The following CEP135 variants were observed in gnomAD, a reference collection of about 807,000 sequenced individuals.
The protein encoded by CEP135 is centrosomal protein of 135 kDa.
In CEP135, 142 loss-of-function variants were observed where a neutral mutation model predicts 157.3. The observed-to-expected ratio is 0.90, with a 90% CI of 0.79 to 1.04. The LOEUF (loss-of-function observed/expected upper bound fraction) is 1.04. Ranked by LOEUF, CEP135 falls within the 50% of genes least tolerant of loss-of-function variation. The pLI is 0.00. For synonymous variants in CEP135, 396 were observed against 439.8 expected (o/e 0.90, Z 1.25); for missense variants, 1,317 against 1,309.2 (o/e 1.01, Z -0.09).
chr4:55,961,820 G>A (rs1476064386), intron 6 of CEP135, among the ~76,000 whole-genome samples: 5 of 134,706 alleles, frequency 3.7e-5, no homozygotes, highest in African/African-American at 1.4e-4. Context: ...ATGTCACCTT[G>A]TCTCAACTTT....
chr4:56,001,658 A>G (rs540555193), intron 17 of CEP135, among the ~76,000 whole-genome samples: 5 of 152,076 alleles, frequency 3.3e-5, no homozygotes, highest in African/African-American at 9.6e-5. Context: ...GGATAGCTGT[A>G]TGGTATATTT....
intron 19 of CEP135, 82 bp from the exon 20 acceptor site, chr4:56,011,330 T>G: frequency 1.1e-6 from 1 of 943,598 alleles, no homozygotes; most frequent in South Asian, 1.6e-5. Flanking sequence ...ATTCTCCAAT[T>G]CCAAAGGAAT....
At chr4:55,993,260 T>C (rs986469208) in intron 15 of CEP135, among the ~76,000 whole-genome samples, 5 of 151,966 alleles carry the variant, frequency 3.3e-5, no homozygotes, top group Non-Finnish European at 7.4e-5. Context: ...TACAAAAAAC[T>C]AGGAATCACA....
Position 55,959,116 on chromosome 4 carries a change from G to A in CEP135, c.615-566G>A, listed in dbSNP as rs569707250. The stretch of plus-strand genomic sequence containing the variant: ...GAAAAAAAAGCAGACCTGGCTTCAG[G>A]CTTTGTCTTTCCAATATGAAAATGG... On this transcript the variant is annotated intron_variant, in intron 5 of 25. Transcript: ENST00000257287. 2.2e-3 allele frequency among the ~76,000 whole-genome samples: 328 copies of A among 152,208 alleles called. 1 individual carries two copies. Among genetic ancestry groups the A allele is most frequent in the African/African-American group, 7.5e-3 (310 of 41,532 alleles).
intron 14 of CEP135, among the ~76,000 whole-genome samples, chr4:55,988,145 G>GT (rs34640519): frequency 0.48 from 71,683 of 150,190 alleles, 17,531 homozygotes; most frequent in African/African-American, 0.6. Context: ...TATAAAAAAG[G>GT]TATAAAAATA....
intron 13 of CEP135, among the ~76,000 whole-genome samples, chr4:55,983,107 C>A (rs1729466182): frequency 6.6e-6 from 1 of 152,138 alleles, no homozygotes; most frequent in African/African-American, 2.4e-5. Flanking sequence ...TAATTGGAAT[C>A]TTTTGGAATA....
In CEP135 at chr4:55,957,450, T is replaced by G. The variant is rs545633683; in HGVS notation, c.614+86T>G. Reference sequence around the variant, plus strand: ...CTTGATAGGAGGGCTTTTTTTCTTGTTAACTGTTGTGTCTCCAGTGTCTAG... The same window carrying G: ...CTTGATAGGAGGGCTTTTTTTCTTGGTAACTGTTGTGTCTCCAGTGTCTAG... On this transcript the variant is annotated intron_variant, in intron 5 of 25. Transcript: ENST00000257287. 4 of 1,266,886 alleles carry G rather than the reference T, an allele frequency of 3.2e-6. No homozygotes were observed. In the African/African-American group the frequency reaches 6.0e-5, roughly 19 times the overall value. 78.5% of individuals were successfully genotyped at this position (1,266,886 alleles called of 1,614,324 possible). A position where few individuals can be genotyped will look rare whatever the true frequency, so the allele number is the denominator to read the frequency against.
At chr4:55,950,457 T>C (rs756715738) in intron 1 of CEP135, among the ~76,000 whole-genome samples, 5 of 152,128 alleles carry the variant, frequency 3.3e-5, no homozygotes, top group Non-Finnish European at 7.3e-5. Context: ...TACAGTTAGT[T>C]AGCAAAGGTT....
intron 13 of CEP135, among the ~76,000 whole-genome samples, chr4:55,982,499 T>G (rs982221389): frequency 6.6e-6 from 1 of 152,230 alleles, no homozygotes; most frequent in African/African-American, 2.4e-5. Flanking sequence ...ATTGTGGCTT[T>G]GATTTGCATT....
At chr4:56,027,502 T>C (rs923468889) in intron 25 of CEP135, among the ~76,000 whole-genome samples, 1 of 152,176 alleles carries the variant, frequency 6.6e-6, no homozygotes, top group Non-Finnish European at 1.5e-5. Context: ...TGTAGACCTG[T>C]AAGAAAATAA....
In CEP135 at chr4:55,973,494, T is replaced by C. The variant is rs183349406; in HGVS notation, c.1250-1252T>C. 8.9e-4 allele frequency among the ~76,000 whole-genome samples: 136 copies of C among 152,328 alleles called. 1 individual carries two copies. Among genetic ancestry groups the C allele is most frequent in the African/African-American group, 2.8e-3 (117 of 41,570 alleles). Reference sequence around the variant, plus strand: ...CCTCAGATTAAAAACGTGTGCATCTTGTTCCTTCCTGTTCAATGCAGGAAT... The same window carrying C: ...CCTCAGATTAAAAACGTGTGCATCTCGTTCCTTCCTGTTCAATGCAGGAAT... On this transcript the variant is annotated intron_variant, in intron 10 of 25. Coordinates refer to ENST00000257287, the MANE Select transcript of CEP135 (RefSeq NM_025009.5).
At chr4:55,992,506 C>A (rs1439594733) in intron 15 of CEP135, among the ~76,000 whole-genome samples, 1 of 152,146 alleles carries the variant, frequency 6.6e-6, no homozygotes, top group Non-Finnish European at 1.5e-5. Context: ...AAAGAATTTA[C>A]CTCCAATTTT....
chr4:55,976,714 A>G (rs1291265888), intron 11 of CEP135, among the ~76,000 whole-genome samples: 1 of 152,192 alleles, frequency 6.6e-6, no homozygotes, highest in East Asian at 1.9e-4. Context: ...ATGAAAGAGG[A>G]TAGTAGGTAA....
intron 17 of CEP135, among the ~76,000 whole-genome samples, chr4:56,006,807 T>C (rs1730362359): frequency 1.3e-5 from 2 of 152,204 alleles, no homozygotes; most frequent in Admixed American, 6.5e-5. Context: ...CCCTGTTTGC[T>C]GTTGTTTCTT....
chr4:56,023,763 A>G (rs931643589), intron 24 of CEP135, among the ~76,000 whole-genome samples: 24 of 141,932 alleles, frequency 1.7e-4, no homozygotes, highest in Non-Finnish European at 3.2e-4. Context: ...ATAGTATATT[A>G]TATATAGTAT....
At chr4:56,002,399 G>A (rs575770957) in intron 17 of CEP135, among the ~76,000 whole-genome samples, 1 of 151,952 alleles carries the variant, frequency 6.6e-6, no homozygotes, top group South Asian at 2.1e-4. Context: ...TTATTTTGAG[G>A]TATTTTCTTT....
At chr4:55,995,057 T>C (rs1729924735) in intron 15 of CEP135, among the ~76,000 whole-genome samples, 1 of 152,216 alleles carries the variant, frequency 6.6e-6, no homozygotes, top group Non-Finnish European at 1.5e-5. Flanking sequence ...GCACATAATA[T>C]AAAATCTCAC....
At chr4:56,015,295 T>C (rs1029777719) in intron 21 of CEP135, among the ~76,000 whole-genome samples, 2 of 152,220 alleles carry the variant, frequency 1.3e-5, no homozygotes, top group African/African-American at 4.8e-5. Context: ...ACAGAGCTAG[T>C]TGGCTGCAAG....
Position 55,999,496 on chromosome 4 carries a change from C to G in CEP135, c.2131C>G (p.Leu711Val), listed in dbSNP as rs1323105113. Reference sequence around the variant, plus strand: ...ACATTTCTTTTCATTTGTAGATGAACTAAACCTTAAGATGACTTCACAGGA... The same window carrying G: ...ACATTTCTTTTCATTTGTAGATGAAGTAAACCTTAAGATGACTTCACAGGA... ...IKILEEKIDE[L>V]NLKMTSQDEE... Residue 711 changes from leucine to valine, a missense_variant, in exon 17 of 26, where the codon CTA becomes GTA. Physicochemically the swap from Leu to Val is conservative, Grantham distance 32. Coordinates refer to ENST00000257287, the MANE Select transcript of CEP135 (RefSeq NM_025009.5). 4 of 1,611,852 alleles carry G rather than the reference C, an allele frequency of 2.5e-6. No individual in the cohort carries two copies. Among genetic ancestry groups the G allele is most frequent in the Non-Finnish European group, 3.4e-6 (4 of 1,179,504 alleles).
Sources: gnomAD v4.1 joint callset for allele counts (sites outside exome capture counted in the v4.1 genomes callset) on GRCh38, gnomAD v4.1.1 for gene constraint, MANE v1.5 for transcripts, NCBI Gene and HGNC (gene_info 2026-07-23, HGNC 2026-07-21) for gene names.